Variants in P2RY8 observed in about 807,000 individuals in gnomAD.
P2RY8 encodes the protein S-geranylgeranyl-glutathione receptor P2RY8.
P2RY8 carries 6 observed loss-of-function variants against 10.0 expected under a neutral mutation model. That is an observed-to-expected ratio of 0.60 (90% CI 0.33 to 1.19). The LOEUF (loss-of-function observed/expected upper bound fraction) is 1.19, where lower values mean the gene tolerates loss of function less well. Ranked by LOEUF, P2RY8 falls within the 50% of genes most tolerant of loss-of-function variation. P2RY8 has a pLI of 0.04. For missense variants in P2RY8, 456 were observed against 542.0 expected, an observed-to-expected ratio of 0.84 and a Z score of 1.58; for synonymous variants, 276 against 252.5, an observed-to-expected ratio of 1.09 and a Z score of -0.88.
chrX:1,530,153 GTATGATCT>G (rs1345863174), intron 1 of P2RY8, among the ~76,000 whole-genome samples: 5 of 39,518 alleles, frequency 1.3e-4, no homozygotes, highest in African/African-American at 7.4e-4. Context: ...ATGTATGTAT[GTATGATCT>G]ATCTATCTAT....
intron 1 of P2RY8, among the ~76,000 whole-genome samples, chrX:1,489,094 A>G: frequency 6.6e-6 from 1 of 151,854 alleles, no homozygotes. Context: ...AATGAATGAC[A>G]CCCAAGATTC....
chrX:1,522,304 A>G (rs1199822032), intron 1 of P2RY8, among the ~76,000 whole-genome samples: 3 of 151,960 alleles, frequency 2.0e-5, no homozygotes, highest in African/African-American at 4.8e-5. Context: ...TAATGAAATC[A>G]ATCATTGTAA....
chrX:1,534,173 A>ATGT (rs2092506993), intron 1 of P2RY8, among the ~76,000 whole-genome samples: 2 of 136,806 alleles, frequency 1.5e-5, no homozygotes, highest in Non-Finnish European at 3.1e-5. Context: ...ATATTTACAT[A>ATGT]TATTATATAT....
intron 1 of P2RY8, among the ~76,000 whole-genome samples, chrX:1,468,548 G>A (rs1220959317): frequency 1.3e-5 from 2 of 152,132 alleles, no homozygotes; most frequent in East Asian, 3.9e-4. Context: ...CAGGCTTGCG[G>A]TTTGGGCCCC....
chrX:1,471,128 C>A (rs1434579640), intron 1 of P2RY8, among the ~76,000 whole-genome samples: 6 of 151,852 alleles, frequency 4.0e-5, no homozygotes, highest in Non-Finnish European at 7.4e-5. Flanking sequence ...CTGCCTCAGC[C>A]TCTGGAGTAG....
At chrX:1,494,986 G>A (rs1455771331) in intron 1 of P2RY8, among the ~76,000 whole-genome samples, 1 of 74,072 alleles carries the variant, frequency 1.4e-5, no homozygotes, top group Non-Finnish European at 3.8e-5. Context: ...CCAAAGTGCT[G>A]GGATTACGGG....
Position 1,465,493 on chromosome X carries a change from C to G in P2RY8, c.1066G>C (p.Glu356Gln). 1 of 1,607,454 alleles carries G rather than the reference C, an allele frequency of 6.2e-7. No homozygotes were observed. The highest frequency in any genetic ancestry group is 2.2e-5 in the East Asian group (1 of 44,788). The change falls in exon 2 of 2, where the codon GAG becomes CAG. Residue 356 changes from glutamate to glutamine, a missense_variant. Transcript: ENST00000381297. ...GATRPGLQRQ[E>Q]SVF ...GCCCCCGGGACTCAGAACACACTCT[C>G]CTGCCTCTGGAGGCCGGGCCTGGTG...
intron 1 of P2RY8, among the ~76,000 whole-genome samples, chrX:1,534,268 T>A (rs1170497857): frequency 1.4e-5 from 2 of 145,086 alleles, no homozygotes; most frequent in South Asian, 4.2e-4. Context: ...TAATTATATA[T>A]GTAATACATA....
At chrX:1,516,150 T>C (rs2092346579) in intron 1 of P2RY8, among the ~76,000 whole-genome samples, 1 of 145,456 alleles carries the variant, frequency 6.9e-6, no homozygotes, top group African/African-American at 2.5e-5. Flanking sequence ...TGAGCGGAGG[T>C]TGCACCACTG....
At chrX:1,471,570 G>C (rs1460235483) in intron 1 of P2RY8, among the ~76,000 whole-genome samples, 3 of 151,710 alleles carry the variant, frequency 2.0e-5, no homozygotes, top group African/African-American at 7.3e-5. Context: ...GCCTCCCAAA[G>C]TGCTGGGATG....
chrX:1,497,355 T>G (rs191221936), intron 1 of P2RY8, among the ~76,000 whole-genome samples: 2,997 of 151,154 alleles, frequency 0.02, 117 homozygotes, highest in African/African-American at 0.069. Flanking sequence ...GGTCTCACTC[T>G]GTGGCCCAAG....
rs1278268255 is a variant in P2RY8 at position 1,509,323 on chromosome X, T to A, written c.-25+27598A>T. ...CATCTATTCATCCATCTATCTATCCTGTATGTATTTATCTATCCATCATCC... is the reference window on the plus strand; with the variant it reads ...CATCTATTCATCCATCTATCTATCCAGTATGTATTTATCTATCCATCATCC... On this transcript the variant is annotated intron_variant, in intron 1 of 1. Transcript: ENST00000381297. Among the ~76,000 whole-genome samples the A allele has an allele frequency of 8.6e-5, 13 of 151,916 alleles. 1 individual carries two copies. The highest frequency in any genetic ancestry group is 6.2e-4 in the South Asian group (3 of 4,810).
chrX:1,523,121 A>AT, intron 1 of P2RY8, among the ~76,000 whole-genome samples: 1 of 151,382 alleles, frequency 6.6e-6, no homozygotes, highest in African/African-American at 2.4e-5. Context: ...AAATAAATAA[A>AT]ACAAAAATTG....
intron 1 of P2RY8, among the ~76,000 whole-genome samples, chrX:1,521,944 C>CTCTT (rs2092395218): frequency 1.5e-4 from 6 of 39,030 alleles, no homozygotes; most frequent in Admixed American, 4.7e-4. Flanking sequence ...CTCTCGCTCT[C>CTCTT]TTTTTTTTTT....
rs747081444 is a variant in P2RY8 at position 1,466,493 on chromosome X, G to A, written c.66C>T (p.Ile22=). The change falls in exon 2 of 2, where the codon ATC becomes ATT. Residue 22 remains isoleucine, a synonymous_variant. Coordinates refer to ENST00000381297, the MANE Select transcript of P2RY8 (RefSeq NM_178129.5). The stretch of plus-strand genomic sequence containing the variant: ...AGTACACCACGGGCAGGGCCACCGC[G>A]ATCGCCGGGTTCCGCAGCATCTGCA... ...ATLQMLRNPA[I]AVALPVVYSL... The A allele has an allele frequency of 6.2e-6, 10 of 1,611,356 alleles. No homozygotes were observed. In the East Asian group the frequency reaches 1.8e-4, roughly 29 times the overall value.
At chrX:1,526,417 C>CCATCCATT (rs1303789439) in intron 1 of P2RY8, among the ~76,000 whole-genome samples, 1 of 151,602 alleles carries the variant, frequency 6.6e-6, no homozygotes, top group African/African-American at 2.4e-5. Context: ...ATTCATGCAT[C>CCATCCATT]CATTCATTCA....
intron 1 of P2RY8, among the ~76,000 whole-genome samples, chrX:1,492,265 C>T (rs751964381): frequency 1.3e-5 from 2 of 152,242 alleles, no homozygotes; most frequent in African/African-American, 4.8e-5. Context: ...CAAGCCTGGC[C>T]AGTTAGGGGG....
intron 1 of P2RY8, among the ~76,000 whole-genome samples, chrX:1,470,722 C>T (rs1364779534): frequency 1.3e-5 from 2 of 152,110 alleles, no homozygotes; most frequent in African/African-American, 4.8e-5. Flanking sequence ...TTCATCCACG[C>T]TGCAGCCTGG....
At chrX:1,489,726 C>G (rs180748214) in intron 1 of P2RY8, among the ~76,000 whole-genome samples, 18,615 of 136,076 alleles carry the variant, frequency 0.14, 1,187 homozygotes, top group Non-Finnish European at 0.21. Flanking sequence ...AGATATTCCC[C>G]GCAAATGTGG....
Sources: gnomAD v4.1 joint callset for allele counts (sites outside exome capture counted in the v4.1 genomes callset) on GRCh38, gnomAD v4.1.1 for gene constraint, MANE v1.5 for transcripts, NCBI Gene and HGNC (gene_info 2026-07-23, HGNC 2026-07-21) for gene names.